The following SPATA1 variants were observed in gnomAD, a reference collection of about 807,000 sequenced individuals.
SPATA1 encodes the protein spermatogenesis associated 1.
In SPATA1, 57 loss-of-function variants were observed where a neutral mutation model predicts 59.6. The ratio of observed to expected loss-of-function variants is 0.96; its 90% CI spans 0.77 to 1.19. The LOEUF (loss-of-function observed/expected upper bound fraction) is 1.19. SPATA1 is among the 50% of genes most tolerant of loss of function. The probability of loss-of-function intolerance (pLI) is 0.00; values close to 1 mark genes in which losing one functional copy is unlikely to be tolerated. For synonymous variants in SPATA1, 147 were observed against 163.9 expected, an observed-to-expected ratio of 0.90 and a Z score of 0.79; for missense variants, 448 against 480.7, an observed-to-expected ratio of 0.93 and a Z score of 0.64.
intron 3 of SPATA1, 129 bp from the exon 4 acceptor site, chr1:84,522,259 AAT>A (rs769597434): frequency 8.5e-5 from 38 of 445,140 alleles, no homozygotes; most frequent in Non-Finnish European, 1.4e-4. Flanking sequence ...GTGGAAACAT[AAT>A]ATGTTAAGCT....
exon 8 of SPATA1, chr1:84,533,711 A>C: frequency 6.4e-7 from 1 of 1,561,900 alleles, no homozygotes; most frequent in East Asian, 2.3e-5. Flanking sequence ...CCTTTAAGTC[A>C]GTGTCTTTGG....
intron 12 of SPATA1, chr1:84,552,894 T>G: frequency 1.7e-6 from 1 of 603,276 alleles, no homozygotes; most frequent in Non-Finnish European, 2.9e-6. Context: ...ACTGTAGTAA[T>G]CCAGTGGGAG....
chr1:84,542,280 T>C (rs1343280143), intron 8 of SPATA1, among the ~76,000 whole-genome samples: 1 of 152,048 alleles, frequency 6.6e-6, no homozygotes, highest in African/African-American at 2.4e-5. Flanking sequence ...TTTGGGGAAA[T>C]GGGTATGTTT....
At chr1:84,557,609 C>T (rs1267737072), downstream of SPATA1, among the ~76,000 whole-genome samples, 1 of 149,206 alleles carries the variant, frequency 6.7e-6, no homozygotes, top group Non-Finnish European at 1.5e-5. Flanking sequence ...TAATCCCAGC[C>T]CTTTGGGAGG....
intron 1 of SPATA1, among the ~76,000 whole-genome samples, chr1:84,510,014 C>G (rs1026978144): frequency 6.6e-6 from 1 of 152,016 alleles, no homozygotes; most frequent in Admixed American, 6.5e-5. Flanking sequence ...ATGGCAAAGT[C>G]AAAACCCCAT....
At chr1:84,520,201 AT>A (rs1682965845) in intron 2 of SPATA1, 1 of 168,328 alleles carries the variant, frequency 5.9e-6, no homozygotes, top group South Asian at 1.6e-4. Context: ...TATACAAAGG[AT>A]AAAGATTCCA....
At chr1:84,525,613 C>A in intron 4 of SPATA1, 83 bp from the exon 5 acceptor site, 3 of 1,125,768 alleles carry the variant, frequency 2.7e-6, no homozygotes, top group Non-Finnish European at 3.8e-6. Flanking sequence ...CAAATACATG[C>A]CTTCTGCAAA....
chr1:84,563,765 A>G, intron 4 of SPATA1: 1 of 1,608,168 alleles, frequency 6.2e-7, no homozygotes, highest in Non-Finnish European at 8.5e-7. Context: ...TATAATCATA[A>G]CCATACCAAG....
intron 5 of SPATA1, 29 bp from the exon 6 acceptor site, chr1:84,525,816 T>C: frequency 6.2e-7 from 1 of 1,605,692 alleles, no homozygotes; most frequent in Non-Finnish European, 8.5e-7. Context: ...AATTGCAAAC[T>C]AACTTTTAAA....
At chr1:84,555,377 A>G (rs1196686225), downstream of SPATA1, among the ~76,000 whole-genome samples, 1 of 152,238 alleles carries the variant, frequency 6.6e-6, no homozygotes, top group Non-Finnish European at 1.5e-5. Flanking sequence ...TTCCTATTCT[A>G]TAATTCCATG....
At chr1:84,558,523 C>T (rs1271534315), downstream of SPATA1, among the ~76,000 whole-genome samples, 1 of 150,994 alleles carries the variant, frequency 6.6e-6, no homozygotes, top group Non-Finnish European at 1.5e-5. Flanking sequence ...GATCTCCTGA[C>T]CTCGTGATCC....
chr1:84,516,632 T>G (rs1324059185), intron 2 of SPATA1, among the ~76,000 whole-genome samples: 1 of 152,162 alleles, frequency 6.6e-6, no homozygotes, highest in African/African-American at 2.4e-5. Context: ...TCACTGTTTC[T>G]CAATTGTATG....
At chr1:84,556,613 G>A (rs934309457), downstream of SPATA1, among the ~76,000 whole-genome samples, 1 of 151,068 alleles carries the variant, frequency 6.6e-6, no homozygotes, top group Non-Finnish European at 1.5e-5. Context: ...TCTCGAGGCT[G>A]AGGCAGGAGA....
intron 8 of SPATA1, among the ~76,000 whole-genome samples, chr1:84,541,974 T>G (rs1389008157): frequency 3.3e-5 from 5 of 152,096 alleles, no homozygotes; most frequent in African/African-American, 1.2e-4. Flanking sequence ...TGTTGTTTTA[T>G]TTTCATTTTT....
downstream of SPATA1, chr1:84,555,285 G>GTA (rs1462852063): frequency 2.0e-5 from 21 of 1,032,526 alleles, no homozygotes; most frequent in Non-Finnish European, 8.1e-6. Flanking sequence ...GAAGTATACA[G>GTA]TACAGTAAGA....
intron 4 of SPATA1, chr1:84,563,436 C>A: frequency 6.8e-7 from 1 of 1,463,642 alleles, no homozygotes; most frequent in Admixed American, 2.6e-5. Flanking sequence ...TGCAAAAGTG[C>A]TCATGTTATA....
At chr1:84,566,088 T>C (rs1334985475) in exon 5 of SPATA1, 1 of 895,876 alleles carries the variant, frequency 1.1e-6, no homozygotes, top group African/African-American at 1.8e-5. Context: ...AAATTATATA[T>C]ATTTTTTACC....
chr1:84,524,820 C>T (rs1683154098), intron 4 of SPATA1, among the ~76,000 whole-genome samples: 2 of 152,120 alleles, frequency 1.3e-5, no homozygotes, highest in African/African-American at 4.8e-5. Flanking sequence ...ACATGTATCA[C>T]CATCCTAAAT....
intron 4 of SPATA1, among the ~76,000 whole-genome samples, chr1:84,564,378 CA>C (rs1684650222): frequency 6.6e-6 from 1 of 152,118 alleles, no homozygotes; most frequent in African/African-American, 2.4e-5. Flanking sequence ...CCCAATGCTG[CA>C]AAACATGTTT....
Sources: allele counts gnomAD v4.1 joint callset (sites outside exome capture counted in the v4.1 genomes callset), GRCh38; gene constraint gnomAD v4.1.1; transcripts MANE v1.5; gene names NCBI Gene and HGNC (gene_info 2026-07-23, HGNC 2026-07-21).